PEBP4: variants seen among roughly 807,000 people sequenced by gnomAD.
PEBP4 encodes the protein phosphatidylethanolamine-binding protein 4.
A neutral mutation model predicts 23.9 loss-of-function variants in PEBP4; 22 were observed. The observed-to-expected ratio is 0.92, with a 90% CI of 0.66 to 1.31. The LOEUF (loss-of-function observed/expected upper bound fraction) is 1.31, where lower values mean the gene tolerates loss of function less well. PEBP4 is among the 40% of genes most tolerant of loss of function. The probability of loss-of-function intolerance (pLI) is 0.00; values close to 1 mark genes in which losing one functional copy is unlikely to be tolerated. For synonymous variants in PEBP4, 112 were observed against 99.3 expected (o/e 1.13, Z -0.76); for missense variants, 324 against 281.7 (o/e 1.15, Z -1.07).
intron 3 of PEBP4, among the ~76,000 whole-genome samples, chr8:22,819,490 T>G (rs1444606876): frequency 6.6e-6 from 1 of 152,182 alleles, no homozygotes; most frequent in Non-Finnish European, 1.5e-5. Context: ...AGATAGCTGT[T>G]AGAGATAGCT....
chr8:22,745,573 A>T (rs1481730287), intron 4 of PEBP4: 3 of 152,248 alleles, frequency 2.0e-5, no homozygotes. Flanking sequence ...AATCCAGTTC[A>T]CACTTCTTTC....
intron 3 of PEBP4, among the ~76,000 whole-genome samples, chr8:22,830,153 G>A (rs143314817): frequency 2.9e-4 from 37 of 126,462 alleles, no homozygotes; most frequent in Middle Eastern, 8.5e-3. Context: ...GTGTTTTTAC[G>A]GAGTCTTGCT....
intron 4 of PEBP4, among the ~76,000 whole-genome samples, chr8:22,736,220 C>T (rs1192253744): frequency 6.6e-6 from 1 of 152,140 alleles, no homozygotes; most frequent in Non-Finnish European, 1.5e-5. Context: ...ATGGGTCACT[C>T]ATTCTCTGGA....
rs553491508 is a variant in PEBP4 at position 22,939,745 on chromosome 8, A to G, written c.145-12025T>C. On this transcript the variant is annotated intron_variant, in intron 1 of 1. Transcript: ENST00000522278. The stretch of plus-strand genomic sequence containing the variant: ...ACAATTTTATTACCCAGGAGTCAGG[A>G]GAGTGTCTGTGAGATAAACCCAGCT... 2.0e-5 allele frequency among the ~76,000 whole-genome samples: 3 copies of G among 152,126 alleles called. No homozygotes were observed. The East Asian group carries it at 5.8e-4, about 29-fold the overall frequency.
intron 3 of PEBP4, among the ~76,000 whole-genome samples, chr8:22,858,308 C>A (rs1349734446): frequency 2.0e-5 from 3 of 152,172 alleles, no homozygotes; most frequent in Non-Finnish European, 4.4e-5. Flanking sequence ...AGCAACGTGG[C>A]TTAAGAAAGG....
chr8:22,880,635 G>T (rs1198160679), intron 3 of PEBP4: 1 of 152,636 alleles, frequency 6.6e-6, no homozygotes, highest in African/African-American at 2.4e-5. Context: ...GACAGCTCCA[G>T]GTGGCCCGTG....
intron 3 of PEBP4, chr8:22,880,611 A>C (rs936190647): frequency 6.6e-6 from 1 of 152,382 alleles, no homozygotes; most frequent in Non-Finnish European, 1.5e-5. Context: ...TGGCAGGTGC[A>C]TGTGGGCTCT....
upstream of PEBP4, among the ~76,000 whole-genome samples, chr8:22,929,083 C>A (rs796504850): frequency 1.3e-4 from 20 of 152,320 alleles, no homozygotes; most frequent in African/African-American, 4.8e-4. Context: ...CTAATAGTAG[C>A]CTCCTCACAA....
At chr8:22,880,013 A>G (rs1408885004) in intron 3 of PEBP4, among the ~76,000 whole-genome samples, 1 of 152,200 alleles carries the variant, frequency 6.6e-6, no homozygotes, top group Non-Finnish European at 1.5e-5. Flanking sequence ...TTGATCTCTC[A>G]GACTGAAAAG....
chr8:22,803,991 G>C (rs189325558), intron 4 of PEBP4, among the ~76,000 whole-genome samples: 7 of 152,320 alleles, frequency 4.6e-5, no homozygotes, highest in East Asian at 1.9e-4. Flanking sequence ...TCTTACAGCT[G>C]TCTTGGGCCA....
At chr8:22,823,147 T>A (rs573466928) in intron 3 of PEBP4, among the ~76,000 whole-genome samples, 1 of 152,120 alleles carries the variant, frequency 6.6e-6, no homozygotes, top group African/African-American at 2.4e-5. Flanking sequence ...AGAGAGAAAG[T>A]TGAGTTTTCA....
At chr8:22,922,596 C>CA (rs5890078) in intron 2 of PEBP4, among the ~76,000 whole-genome samples, 87,997 of 149,094 alleles carry the variant, frequency 0.59, 26,294 homozygotes, top group East Asian at 0.78. Context: ...AAAAAAAAAA[C>CA]ACCATGGTAG....
chr8:22,771,016 T>C (rs1488913734), intron 4 of PEBP4, among the ~76,000 whole-genome samples: 1 of 152,220 alleles, frequency 6.6e-6, no homozygotes, highest in African/African-American at 2.4e-5. Context: ...TGTGAAAGCA[T>C]TTTGTAAACC....
chr8:22,736,829 A>G (rs1291497306), intron 4 of PEBP4, among the ~76,000 whole-genome samples: 1 of 152,192 alleles, frequency 6.6e-6, no homozygotes, highest in Non-Finnish European at 1.5e-5. Context: ...TTTCCCTGAT[A>G]TCTCAAATCT....
chr8:22,938,903 A>G (rs1809574292), intron 1 of PEBP4, among the ~76,000 whole-genome samples: 1 of 152,236 alleles, frequency 6.6e-6, no homozygotes. Flanking sequence ...AAGCACGCAC[A>G]TATAAAAACC....
chr8:22,887,658 G>A (rs540788801), intron 3 of PEBP4: 9 of 152,072 alleles, frequency 5.9e-5, no homozygotes, highest in African/African-American at 1.9e-4. Context: ...CCAGCTCCTA[G>A]AGAGGCAAAG....
At position 22,828,846 on chromosome 8, in the gene PEBP4, C is replaced by T. The variant is rs368774240; in HGVS notation, c.259-11111G>A. On this transcript the variant is annotated intron_variant, in intron 3 of 6. Coordinates refer to ENST00000256404, the MANE Select transcript of PEBP4 (RefSeq NM_144962.3). ...CTCTGGTTCCTGGGTCTTTCCATCT[C>T]GGGCAATCTTTCCCTCTCTATCTCA... Among the ~76,000 whole-genome samples the T allele has an allele frequency of 2.8e-4, 42 of 152,196 alleles. No homozygotes were observed. The South Asian group carries it at 8.3e-3, about 30-fold the overall frequency.
At position 22,913,703 on chromosome 8, in the gene PEBP4, C is replaced by T. The variant is rs1482182824; in HGVS notation, c.258+6481G>A. On this transcript the variant is annotated intron_variant, in intron 3 of 6. Transcript: ENST00000256404. ...CCCTTTGAAATATCCTCCTAACTCC[C>T]ACCATTCACACCGTTTATCACCTTG... 6.6e-5 allele frequency among the ~76,000 whole-genome samples: 10 copies of T among 152,246 alleles called. No individual in the cohort carries two copies. In the East Asian group the frequency reaches 1.9e-3, roughly 29 times the overall value.
At chr8:22,762,961 G>A (rs1195668525) in intron 4 of PEBP4, among the ~76,000 whole-genome samples, 8 of 152,000 alleles carry the variant, frequency 5.3e-5, no homozygotes. Flanking sequence ...ACGACCAAGG[G>A]CCAAGGAATA....
Sources: gnomAD v4.1 joint callset for allele counts (sites outside exome capture counted in the v4.1 genomes callset) on GRCh38, gnomAD v4.1.1 for gene constraint, MANE v1.5 for transcripts, NCBI Gene and HGNC (gene_info 2026-07-23, HGNC 2026-07-21) for gene names.